Variants in MYLK observed in about 807,000 individuals in gnomAD.
MYLK encodes myosin light chain kinase.
In MYLK, 106 loss-of-function variants were observed where a neutral mutation model predicts 203.4. The observed-to-expected ratio is 0.52, with a 90% CI of 0.45 to 0.61. The LOEUF (loss-of-function observed/expected upper bound fraction) is 0.61, where lower values mean the gene tolerates loss of function less well. MYLK is among the 20% of genes least tolerant of loss of function. The pLI is 0.00. For synonymous variants in MYLK, 867 were observed against 959.5 expected (o/e 0.90, Z 1.78); for missense variants, 2,072 against 2,442.3 (o/e 0.85, Z 3.20).
At chr3:123,745,602 AT>A (rs1235313158) in intron 5 of MYLK, among the ~76,000 whole-genome samples, 2 of 152,158 alleles carry the variant, frequency 1.3e-5, no homozygotes, top group Non-Finnish European at 2.9e-5. Context: ...ACCAGTGCTT[AT>A]ATATACTAGG....
chr3:123,639,394 T>G (rs1201726927), intron 28 of MYLK, among the ~76,000 whole-genome samples: 1 of 152,190 alleles, frequency 6.6e-6, no homozygotes, highest in Non-Finnish European at 1.5e-5. Flanking sequence ...TGGGAGACAT[T>G]TATTGGGTGG....
chr3:123,789,461 C>T (rs911621466), intron 4 of MYLK, among the ~76,000 whole-genome samples: 4 of 152,100 alleles, frequency 2.6e-5, no homozygotes, highest in East Asian at 1.9e-4. Flanking sequence ...GGTTTGGCTC[C>T]GGTGGGCGTA....
chr3:123,754,388 T>C (rs1429078922), intron 4 of MYLK, among the ~76,000 whole-genome samples: 2 of 152,224 alleles, frequency 1.3e-5, no homozygotes, highest in African/African-American at 4.8e-5. Flanking sequence ...ATCAATATGG[T>C]CCATCTTATT....
intron 19 of MYLK, among the ~76,000 whole-genome samples, chr3:123,687,542 C>T (rs575863375): frequency 6.6e-6 from 1 of 152,308 alleles, no homozygotes; most frequent in African/African-American, 2.4e-5. Context: ...AGTGCTCAGG[C>T]TCATCTTTAT....
At chr3:123,749,189 G>A (rs773876487) in intron 5 of MYLK, among the ~76,000 whole-genome samples, 4 of 151,884 alleles carry the variant, frequency 2.6e-5, no homozygotes, top group Non-Finnish European at 4.4e-5. Context: ...TGAGGTAGGA[G>A]GATCGCTTGA....
Position 123,635,354 on chromosome 3 carries a change from G to A in MYLK, c.4961+2717C>T, listed in dbSNP as rs117826860. Among the ~76,000 whole-genome samples the A allele has an allele frequency of 1.1e-3, 166 of 152,342 alleles. No homozygotes were observed. The East Asian group carries it at 0.017, about 15-fold the overall frequency. ...GGCGCCAATGTTTGTTTTCAGCACCGCTCTCTGTTGAGAGCCCTGGCTTGC... is the reference window on the plus strand; with the variant it reads ...GGCGCCAATGTTTGTTTTCAGCACCACTCTCTGTTGAGAGCCCTGGCTTGC... On this transcript the variant is annotated intron_variant, in intron 29 of 33. Coordinates refer to ENST00000360304, the MANE Select transcript of MYLK (RefSeq NM_053025.4).
At chr3:123,665,790 G>T (rs2059715430) in intron 22 of MYLK, among the ~76,000 whole-genome samples, 1 of 152,170 alleles carries the variant, frequency 6.6e-6, no homozygotes, top group African/African-American at 2.4e-5. Flanking sequence ...ATTTGCTTTT[G>T]TCCCTTCAGC....
intron 32 of MYLK, among the ~76,000 whole-genome samples, chr3:123,619,298 G>GT (rs1319156285): frequency 6.6e-6 from 1 of 152,188 alleles, no homozygotes. Flanking sequence ...GGGAAAAGCT[G>GT]TAACTTGGAG....
chr3:123,773,103 A>C (rs1315241621), intron 4 of MYLK, among the ~76,000 whole-genome samples: 4 of 152,142 alleles, frequency 2.6e-5, no homozygotes, highest in Non-Finnish European at 4.4e-5. Flanking sequence ...TCAACATATC[A>C]AAAACATAGT....
intron 4 of MYLK, among the ~76,000 whole-genome samples, chr3:123,776,715 T>C (rs1021274451): frequency 2.6e-5 from 4 of 152,250 alleles, no homozygotes; most frequent in Non-Finnish European, 5.9e-5. Flanking sequence ...ATATTACATA[T>C]GCAGCAAAGA....
At chr3:123,682,772 TCTGA>T (rs901504945) in intron 19 of MYLK, among the ~76,000 whole-genome samples, 60 of 152,276 alleles carry the variant, frequency 3.9e-4, no homozygotes, top group African/African-American at 1.3e-3. Context: ...TTCTGATTTC[TCTGA>T]CTTTCTTCTG....
intron 4 of MYLK, among the ~76,000 whole-genome samples, chr3:123,786,199 A>T (rs1260032248): frequency 1.3e-5 from 2 of 151,786 alleles, no homozygotes; most frequent in Admixed American, 1.3e-4. Flanking sequence ...GCTACTCAGG[A>T]GGCTGAGGCA....
chr3:123,813,095 G>GC (rs1218544603), intron 3 of MYLK, among the ~76,000 whole-genome samples: 1 of 152,196 alleles, frequency 6.6e-6, no homozygotes, highest in East Asian at 1.9e-4. Flanking sequence ...GCCCACTCAG[G>GC]CCAAGTCCCT....
chr3:123,666,136 A>G, intron 22 of MYLK, 83 bp downstream of exon 22: 1 of 1,607,218 alleles, frequency 6.2e-7, no homozygotes, highest in South Asian at 1.1e-5. Flanking sequence ...CATCTCCAGC[A>G]CGGCATTTCT....
intron 16 of MYLK, among the ~76,000 whole-genome samples, chr3:123,704,259 A>C (rs2061363978): frequency 6.6e-6 from 1 of 152,240 alleles, no homozygotes; most frequent in South Asian, 2.1e-4. Context: ...GGGCCTTTAA[A>C]GCAAACCATG....
chr3:123,683,258 T>A (rs1289783870), intron 19 of MYLK, among the ~76,000 whole-genome samples: 1 of 141,822 alleles, frequency 7.1e-6, no homozygotes, highest in East Asian at 2.4e-4. Flanking sequence ...GGGCATCCTT[T>A]TCCTGCTCCT....
chr3:123,629,597 T>A lies in MYLK; in HGVS notation c.4991A>T (p.Asp1664Val). 6.2e-7 allele frequency: 1 copy of A among 1,613,910 alleles called. No homozygotes were observed. The highest frequency in any genetic ancestry group is 8.5e-7 in the Non-Finnish European group (1 of 1,180,002). The change falls in exon 30 of 34, where the codon GAC (aspartate) becomes GTC (valine). Residue 1664 changes from aspartate (D) to valine (V), a missense_variant. Asp to Val is a radical substitution (Grantham distance 152, BLOSUM62 -3). Transcript: ENST00000360304. The surrounding 1 kb of genome is among the most constrained non-coding windows in gnomAD (Gnocchi z 4.4). ...LVSGLSPFMGDNDNETLANVT... is the reference protein window; with the variant it reads ...LVSGLSPFMGVNDNETLANVT... ...GTTGGCCAAGGTTTCGTTATCGTTGTCTCCCATGAAGGGGGAAAGGCCACT... is the reference window on the plus strand; with the variant it reads ...GTTGGCCAAGGTTTCGTTATCGTTGACTCCCATGAAGGGGGAAAGGCCACT...
In MYLK at chr3:123,612,979, G is replaced by C. The variant is rs2057287257; in HGVS notation, c.*1126C>G. The stretch of plus-strand genomic sequence containing the variant: ...TAAAAATTCCTAAAGACGCAAGTCT[G>C]AGTGCATTTACCAGGTCTAAGAATA... On this transcript the variant is annotated 3_prime_UTR_variant, in exon 34 of 34. Transcript: ENST00000360304. The C allele has an allele frequency of 6.6e-6, 1 of 152,638 alleles. No homozygotes were observed. The highest frequency in any genetic ancestry group is 1.5e-5 in the Non-Finnish European group (1 of 68,048). 9.5% of individuals were successfully genotyped at this position (152,638 alleles called of 1,614,324 possible).
rs1489350706 is a variant in MYLK at position 123,700,433 on chromosome 3, T to C, written c.3035A>G (p.Lys1012Arg). 2 of 1,611,422 alleles carry C rather than the reference T, an allele frequency of 1.2e-6. No homozygotes were observed. Among genetic ancestry groups the C allele is most frequent in the African/African-American group, 2.7e-5 (2 of 74,648 alleles). Residue 1012 changes from lysine (K) to arginine (R), a missense_variant, in exon 18 of 34, where the codon AAG becomes AGG. By Grantham distance (26) the Lys-to-Arg change is conservative (BLOSUM62 2). Around this residue, in one of 3 missense-constraint regions of MYLK, gnomAD observed 865 missense variants for 1,016.0 expected, o/e 0.85. Coordinates refer to ENST00000360304, the MANE Select transcript of MYLK (RefSeq NM_053025.4). ...TLNAKAVESS[K>R]PLSNAQPSGP... is the part of the protein sequence containing the mutation. The stretch of plus-strand genomic sequence containing the variant: ...TGAAGGCTGTGCATTGCTCAGGGGC[T>C]TGGAACTCTCCACTGCCTTGGCATT...
Sources: gnomAD v4.1 joint callset for allele counts (sites outside exome capture counted in the v4.1 genomes callset) on GRCh38, gnomAD v4.1.1 for gene constraint, gnomAD v4.1.1 regional missense constraint, Gnocchi (gnomAD v3.1) non-coding constraint, MANE v1.5 for transcripts, NCBI Gene and HGNC (gene_info 2026-07-23, HGNC 2026-07-21) for gene names.